Variants in DRC7 observed in about 807,000 individuals in gnomAD.
DRC7 encodes dynein regulatory complex subunit 7.
Under a neutral mutation model 104.4 loss-of-function variants are expected in DRC7, and 80 were observed. That is an observed-to-expected ratio of 0.77 (90% confidence interval 0.64 to 0.92). The LOEUF is 0.92. DRC7 is among the 40% of genes least tolerant of loss of function. The probability of loss-of-function intolerance (pLI) is 0.00; values close to 1 mark genes in which losing one functional copy is unlikely to be tolerated. For missense variants in DRC7, 1,034 were observed against 1,141.1 expected (o/e 0.91, Z 1.35); for synonymous variants, 405 against 447.3 (o/e 0.91, Z 1.19).
chr16:57,718,293 T>C (rs1293320392), intron 8 of DRC7, 54 bp from the exon 9 acceptor site: 2 of 1,595,390 alleles, frequency 1.3e-6, no homozygotes, highest in Admixed American at 1.7e-5. Context: ...ATGGATCAGG[T>C]GGGGACGTGG....
intron 8 of DRC7, among the ~76,000 whole-genome samples, chr16:57,716,215 T>A (rs1442344836): frequency 6.6e-6 from 1 of 152,122 alleles, no homozygotes; most frequent in Non-Finnish European, 1.5e-5. Flanking sequence ...AGAGTGCGAA[T>A]AGGTTGGCCG....
intron 13 of DRC7, 46 bp downstream of exon 13, chr16:57,724,881 C>A (rs777025476): frequency 2.1e-6 from 3 of 1,455,226 alleles, no homozygotes; most frequent in African/African-American, 1.4e-5. Context: ...CCTTCTCTGG[C>A]AGCTGATGTC....
chr16:57,696,883 T>C (rs2048598174), intron 2 of DRC7, among the ~76,000 whole-genome samples: 1 of 152,218 alleles, frequency 6.6e-6, no homozygotes, highest in South Asian at 2.1e-4. Context: ...CATATCACCT[T>C]ACCGTTAGGA....
chr16:57,697,772 A>T (rs2048611058), intron 2 of DRC7, 141 bp from the exon 3 acceptor site: 1 of 859,262 alleles, frequency 1.2e-6, no homozygotes, highest in Non-Finnish European at 1.8e-6. Flanking sequence ...TTTGAAAGGA[A>T]GTCAAAGAGG....
chr16:57,718,265 G>A (rs1162664612), intron 8 of DRC7, 82 bp from the exon 9 acceptor site: 2 of 1,543,742 alleles, frequency 1.3e-6, no homozygotes, highest in Non-Finnish European at 1.8e-6. Context: ...CCCCGGAGTA[G>A]CCATCTCCCA....
At chr16:57,730,677 A>G (rs902097003) in intron 17 of DRC7, among the ~76,000 whole-genome samples, 3 of 140,446 alleles carry the variant, frequency 2.1e-5, no homozygotes, top group African/African-American at 9.1e-5. Context: ...GTCCAGAGCT[A>G]CATGGCTCTC....
intron 12 of DRC7, 132 bp from the exon 13 acceptor site, chr16:57,724,483 T>C (rs1303376237): frequency 1.7e-6 from 1 of 589,284 alleles, no homozygotes; most frequent in Non-Finnish European, 3.0e-6. Flanking sequence ...AATAGGGGAC[T>C]GGTTCATAGC....
chr16:57,703,346 T>G (rs1258534054), intron 6 of DRC7, among the ~76,000 whole-genome samples: 1 of 151,886 alleles, frequency 6.6e-6, no homozygotes, highest in African/African-American at 2.4e-5. Context: ...GAATCACAAA[T>G]GCATCTCTTT....
chr16:57,728,002 G>C (rs1282471579), intron 16 of DRC7, among the ~76,000 whole-genome samples: 1 of 152,226 alleles, frequency 6.6e-6, no homozygotes, highest in Non-Finnish European at 1.5e-5. Context: ...GGGTGGAAAA[G>C]AAAAGTGAAG....
intron 6 of DRC7, among the ~76,000 whole-genome samples, chr16:57,704,368 C>G (rs575554252): frequency 7.2e-6 from 1 of 138,950 alleles, no homozygotes; most frequent in Non-Finnish European, 1.5e-5. Context: ...TTTGTAGACA[C>G]GCAAGCGTAC....
At chr16:57,706,417 C>T (rs1202411854) in intron 7 of DRC7, among the ~76,000 whole-genome samples, 2 of 132,584 alleles carry the variant, frequency 1.5e-5, no homozygotes, top group Non-Finnish European at 3.2e-5. Flanking sequence ...CATCCATTGT[C>T]CCACTCATCC....
At chr16:57,715,594 C>T (rs2048834273) in intron 8 of DRC7, among the ~76,000 whole-genome samples, 1 of 152,244 alleles carries the variant, frequency 6.6e-6, no homozygotes, top group African/African-American at 2.4e-5. Flanking sequence ...GGAAGTAACA[C>T]TCAGTAGATG....
At chr16:57,714,606 ACAGAGAGAGAGAGTCT>A (rs2048821886) in intron 8 of DRC7, 1 of 170,818 alleles carries the variant, frequency 5.9e-6, no homozygotes, top group African/African-American at 2.4e-5. Flanking sequence ...AGCCTGGGCA[ACAGAGAGAGAGAGTCT>A]CTCTCTCTCT....
intron 8 of DRC7, among the ~76,000 whole-genome samples, chr16:57,715,241 G>C (rs1379560585): frequency 2.0e-5 from 3 of 152,068 alleles, no homozygotes; most frequent in South Asian, 2.1e-4. Context: ...GTAGAGACAG[G>C]GTTTCACCAT....
At chr16:57,706,135 C>T (rs1214552485) in intron 7 of DRC7, among the ~76,000 whole-genome samples, 1 of 142,900 alleles carries the variant, frequency 7.0e-6, no homozygotes, top group Non-Finnish European at 1.5e-5. Flanking sequence ...CATCCATTCT[C>T]CCATCTTCCC....
At position 57,723,125 on chromosome 16, in the gene DRC7, T is replaced by C; in HGVS notation, c.1532T>C (p.Leu511Pro). 1 of 1,613,532 alleles carries C rather than the reference T, an allele frequency of 6.2e-7. No homozygotes were observed. The highest frequency in any genetic ancestry group is 2.2e-5 in the East Asian group (1 of 44,878). Residue 511 changes from leucine to proline, a missense_variant, in exon 12 of 19, where the codon CTG becomes CCG. Transcript: ENST00000360716. ...TTCAAGCCTGGCCACCCCCAGGCTC[T>C]GCGCGGTGCGTGGCTCCCCTTTCCT... is the stretch of plus-strand genomic sequence containing the variant. ...DYFKPGHPQA[L>P]RVHSYKSMQP...
chr16:57,714,091 C>T, intron 8 of DRC7: 1 of 195,264 alleles, frequency 5.1e-6, no homozygotes. Context: ...GGAGATAACT[C>T]AAGTGATAAT....
chr16:57,707,430 G>A, intron 7 of DRC7, 30 bp from the exon 8 acceptor site: 1 of 1,594,502 alleles, frequency 6.3e-7, no homozygotes, highest in Non-Finnish European at 8.5e-7. Flanking sequence ...CCAGCCATCT[G>A]ACTCGTAGTC....
chr16:57,708,244 T>C (rs375467872), intron 8 of DRC7, among the ~76,000 whole-genome samples: 2 of 152,174 alleles, frequency 1.3e-5, no homozygotes, highest in African/African-American at 4.8e-5. Flanking sequence ...AGAAGCCCCC[T>C]CATGTCTCCT....
Sources: allele counts gnomAD v4.1 joint callset (sites outside exome capture counted in the v4.1 genomes callset), GRCh38; gene constraint gnomAD v4.1.1; transcripts MANE v1.5; gene names NCBI Gene and HGNC (gene_info 2026-07-23, HGNC 2026-07-21).